Variants in LRP2 observed in about 807,000 individuals in gnomAD.
The protein encoded by LRP2 is low-density lipoprotein receptor-related protein 2.
Under a neutral mutation model 531.0 loss-of-function variants are expected in LRP2, and 172 were observed. The observed-to-expected ratio is 0.32, with a 90% CI of 0.29 to 0.37. The LOEUF is 0.37. LRP2 is among the 10% of genes least tolerant of loss of function. The pLI, the probability that LRP2 is intolerant of heterozygous loss-of-function variation, is 1.00. For synonymous variants in LRP2, 1,992 were observed against 2,027.6 expected, an observed-to-expected ratio of 0.98 and a Z score of 0.47; for missense variants, 5,167 against 5,868.3, an observed-to-expected ratio of 0.88 and a Z score of 3.90.
chr2:169,206,022 C>T lies in LRP2; in HGVS notation c.7556+1G>A. 1 of 1,614,198 alleles carries T rather than the reference C, an allele frequency of 6.2e-7. No homozygotes were observed. Among genetic ancestry groups the T allele is most frequent in the Non-Finnish European group, 8.5e-7 (1 of 1,180,034 alleles). On this transcript the variant is annotated splice_donor_variant, in intron 40 of 78. Coordinates refer to ENST00000649046, the MANE Select transcript of LRP2 (RefSeq NM_004525.3). LOFTEE classifies it high-confidence loss of function. The stretch of plus-strand genomic sequence containing the variant: ...ATATAACAAGGAAGATGATGGCATA[C>T]CCTTGGCAGGGATCTAACACAATTG...
rs1685608968 is a variant in LRP2 at position 169,343,094 on chromosome 2, T to G, written c.79+19227A>C. Among the ~76,000 whole-genome samples the G allele has an allele frequency of 2.0e-5, 3 of 152,140 alleles. No individual in the cohort carries two copies. In the South Asian group the frequency reaches 6.2e-4, roughly 31 times the overall value. ...CCACTCAGACCCATGCTTCCATCATTCCTGTTCTCAGAGTTACAGAGACAT... is the reference window on the plus strand; with the variant it reads ...CCACTCAGACCCATGCTTCCATCATGCCTGTTCTCAGAGTTACAGAGACAT... On this transcript the variant is annotated intron_variant, in intron 1 of 78. Coordinates refer to ENST00000649046, the MANE Select transcript of LRP2 (RefSeq NM_004525.3).
intron 63 of LRP2, 106 bp downstream of exon 63, chr2:169,162,366 T>G (rs1458731331): frequency 7.5e-7 from 1 of 1,336,620 alleles, no homozygotes; most frequent in East Asian, 2.3e-5. Flanking sequence ...AAGCAAAAAG[T>G]ACATTAAGGA....
At chr2:169,271,611 GCACACACACACACA>G (rs55672417) in intron 15 of LRP2, 161,145 of 233,850 alleles carry the variant, frequency 0.69, 55,474 homozygotes, top group East Asian at 0.92. Context: ...GGCAAAACAT[GCACACACACACACA>G]CACACACACA....
chr2:169,323,138 T>C (rs1684948611), intron 1 of LRP2, among the ~76,000 whole-genome samples: 1 of 152,154 alleles, frequency 6.6e-6, no homozygotes, highest in Non-Finnish European at 1.5e-5. Context: ...AATGTTGCAA[T>C]TAACTAATTT....
chr2:169,226,734 C>A, intron 31 of LRP2, 146 bp from the exon 32 acceptor site: 1 of 704,622 alleles, frequency 1.4e-6, no homozygotes, highest in South Asian at 1.6e-5. Flanking sequence ...CTTCATCAGA[C>A]AAGCATGGGC....
At chr2:169,133,942 G>A (rs557099229) in intron 76 of LRP2, among the ~76,000 whole-genome samples, 2 of 152,250 alleles carry the variant, frequency 1.3e-5, no homozygotes, top group South Asian at 4.1e-4. Context: ...CTTCAGTCAA[G>A]CCCAAATTTC....
chr2:169,207,927 T>G (rs950113850), intron 38 of LRP2, among the ~76,000 whole-genome samples: 1 of 152,240 alleles, frequency 6.6e-6, no homozygotes, highest in African/African-American at 2.4e-5. Context: ...GAACTATCAA[T>G]GCTACTACCA....
chr2:169,170,568 G>A lies in LRP2; in HGVS notation c.11363C>T (p.Ser3788Leu), dbSNP rs1352211691. Residue 3788 changes from serine (S) to leucine (L), a missense_variant, in exon 59 of 79, where the codon TCA becomes TTA. Coordinates refer to ENST00000649046, the MANE Select transcript of LRP2 (RefSeq NM_004525.3). The part of the protein sequence containing the change: ...CDHYNDCGDN[S>L]DERDCEMRTC... ...ACAGTTACCACAGTCCCGTTCATCTGAGTTGTCCCCACAGTCGTTGTAATG... is the reference window on the plus strand; with the variant it reads ...ACAGTTACCACAGTCCCGTTCATCTAAGTTGTCCCCACAGTCGTTGTAATG... 5 of 1,613,836 alleles carry A rather than the reference G, an allele frequency of 3.1e-6. No individual in the cohort carries two copies. The East Asian group carries it at 6.7e-5, about 22-fold the overall frequency.
intron 1 of LRP2, among the ~76,000 whole-genome samples, chr2:169,321,294 C>T (rs1046432805): frequency 6.6e-6 from 1 of 151,982 alleles, no homozygotes; most frequent in African/African-American, 2.4e-5. Context: ...TTGCAAACCT[C>T]CTAAATGTCC....
chr2:169,203,970 T>C lies in LRP2; in HGVS notation c.8005+12A>G. The C allele has an allele frequency of 6.2e-7, 1 of 1,613,784 alleles. No individual in the cohort carries two copies. The highest frequency in any genetic ancestry group is 8.5e-7 in the Non-Finnish European group (1 of 1,179,680). On this transcript the variant is annotated intron_variant, in intron 42 of 78. Coordinates refer to ENST00000649046, the MANE Select transcript of LRP2 (RefSeq NM_004525.3). ...ATTCTCCATGTTCTAATTTTCATGG[T>C]CAGTGCCTTACCTGGTGCACAGATA...
chr2:169,206,686 G>A lies in LRP2; in HGVS notation c.7034C>T (p.Pro2345Leu), dbSNP rs766261644. Residue 2345 changes from proline (P) to leucine (L), a missense_variant, in exon 39 of 79, where the codon CCT becomes CTT. By Grantham distance (98) the Pro-to-Leu change is moderately conservative. This residue lies in a region of LRP2 where 2,811 missense variants were observed against 3,058.0 expected (regional missense o/e 0.92). Coordinates refer to ENST00000649046, the MANE Select transcript of LRP2 (RefSeq NM_004525.3). ...GCACCCACCATTGTTTTCCAAGCAAGGGTTGTTGTTGACCTCTGCTGGTGA... is the reference window on the plus strand; with the variant it reads ...GCACCCACCATTGTTTTCCAAGCAAAGGTTGTTGTTGACCTCTGCTGGTGA... ...PRSPAEVNNN[P>L]CLENNGGCSH... 6 of 1,614,164 alleles carry A rather than the reference G, an allele frequency of 3.7e-6. No individual in the cohort carries two copies. Among genetic ancestry groups the A allele is most frequent in the East Asian group, 4.5e-5 (2 of 44,884 alleles).
intron 19 of LRP2, among the ~76,000 whole-genome samples, chr2:169,248,488 G>A (rs181057577): frequency 2.2e-3 from 339 of 152,324 alleles, no homozygotes; most frequent in African/African-American, 6.1e-3. Flanking sequence ...TAAGTAAGGA[G>A]TTCAATAAAT....
intron 65 of LRP2, 26 bp from the exon 66 acceptor site, chr2:169,154,629 A>C: frequency 6.2e-7 from 1 of 1,608,966 alleles, no homozygotes; most frequent in Non-Finnish European, 8.5e-7. Flanking sequence ...GGGCTACTTT[A>C]TCTGTTTGAA....
At chr2:169,157,613 C>T in intron 63 of LRP2, 111 bp from the exon 64 acceptor site, 1 of 1,234,138 alleles carries the variant, frequency 8.1e-7, no homozygotes, top group Non-Finnish European at 1.2e-6. Context: ...CTTGAGATAA[C>T]CCCTTTCCAT....
At chr2:169,236,574 A>G (rs1359899429) in intron 28 of LRP2, among the ~76,000 whole-genome samples, 1 of 152,252 alleles carries the variant, frequency 6.6e-6, no homozygotes, top group African/African-American at 2.4e-5. Context: ...AAGTTATAAA[A>G]TATAAGTAAA....
intron 68 of LRP2, among the ~76,000 whole-genome samples, chr2:169,147,699 T>C (rs978295806): frequency 2.0e-5 from 3 of 152,182 alleles, no homozygotes; most frequent in Non-Finnish European, 4.4e-5. Context: ...GATCTCACAT[T>C]GAATTACCTA....
intron 17 of LRP2, among the ~76,000 whole-genome samples, chr2:169,257,570 T>A (rs1690353849): frequency 6.6e-6 from 1 of 152,078 alleles, no homozygotes; most frequent in Non-Finnish European, 1.5e-5. Context: ...CTATTAAATA[T>A]TCCACGTTAT....
chr2:169,151,793 T>G (rs1376819424), intron 67 of LRP2, among the ~76,000 whole-genome samples: 1 of 152,192 alleles, frequency 6.6e-6, no homozygotes, highest in African/African-American at 2.4e-5. Context: ...TCTGGAGTTT[T>G]GAGTTCCTGA....
At chr2:169,324,709 T>A (rs1212311073) in intron 1 of LRP2, among the ~76,000 whole-genome samples, 1 of 151,482 alleles carries the variant, frequency 6.6e-6, no homozygotes, top group Non-Finnish European at 1.5e-5. Context: ...GGACTAAGAA[T>A]GTGTTAAGAT....
Sources: gnomAD v4.1 joint callset for allele counts (sites outside exome capture counted in the v4.1 genomes callset) on GRCh38, gnomAD v4.1.1 for gene constraint, gnomAD v4.1.1 regional missense constraint, MANE v1.5 for transcripts, NCBI Gene and HGNC (gene_info 2026-07-23, HGNC 2026-07-21) for gene names.